KLF12: variants seen among roughly 807,000 people sequenced by gnomAD.
KLF12 encodes Krueppel-like factor 12.
A neutral mutation model predicts 37.8 loss-of-function variants in KLF12; 9 were observed. That is an observed-to-expected ratio of 0.24 (90% CI 0.14 to 0.42). KLF12 has a LOEUF of 0.42. Among genes scored for constraint, KLF12 ranks in the 10% least tolerant of loss-of-function variants. The pLI is 1.00. For missense variants in KLF12, 411 were observed against 516.0 expected (o/e 0.80, Z 1.97); for synonymous variants, 208 against 202.1 (o/e 1.03, Z -0.25).
chr13:73,969,265 T>C (rs1593792884), intron 2 of KLF12, among the ~76,000 whole-genome samples: 1 of 152,238 alleles, frequency 6.6e-6, no homozygotes, highest in East Asian at 1.9e-4. Flanking sequence ...CTGCCTGAAG[T>C]GAAGTGAACA....
chr13:74,028,181 C>T (rs1259404672), intron 1 of KLF12, among the ~76,000 whole-genome samples: 1 of 152,092 alleles, frequency 6.6e-6, no homozygotes, highest in Non-Finnish European at 1.5e-5. Flanking sequence ...GATAACATTC[C>T]TAGATTAATC....
chr13:74,162,891 A>C, the KLF12 span, among the ~76,000 whole-genome samples: 2 of 152,230 alleles, frequency 1.3e-5, no homozygotes, highest in Non-Finnish European at 2.9e-5. Context: ...AAAATAAATT[A>C]CATCAAAGAA....
intron 6 of KLF12, among the ~76,000 whole-genome samples, chr13:73,752,882 A>AT (rs1878880190): frequency 2.0e-5 from 3 of 151,026 alleles, no homozygotes; most frequent in Non-Finnish European, 2.9e-5. Flanking sequence ...ATCATTATGT[A>AT]TTTTTTTGTA....
Position 74,125,990 on chromosome 13 carries a change from C to T in KLF12, c.-32+7749G>A, listed in dbSNP as rs568190816. Among the ~76,000 whole-genome samples, 16 of 152,292 alleles carry T rather than the reference C, an allele frequency of 1.1e-4. 1 individual carries two copies. Among genetic ancestry groups the T allele is most frequent in the African/African-American group, 3.6e-4 (15 of 41,576 alleles). ...CTGGCTATTCACTATAATTTCATTACTTTACTTTGCTGAAAATCAATTTCC... is the reference window on the plus strand; with the variant it reads ...CTGGCTATTCACTATAATTTCATTATTTTACTTTGCTGAAAATCAATTTCC... On this transcript the variant is annotated intron_variant, in intron 1 of 7. Transcript: ENST00000377669.
intron 3 of KLF12, among the ~76,000 whole-genome samples, chr13:73,874,725 T>A (rs558466286): frequency 2.2e-4 from 33 of 152,262 alleles, no homozygotes; most frequent in African/African-American, 7.7e-4. Context: ...CCAATTCAAG[T>A]GACTGAAACT....
intron 1 of KLF12, among the ~76,000 whole-genome samples, chr13:74,051,349 C>CAA (rs1308262622): frequency 6.6e-6 from 1 of 150,758 alleles, no homozygotes; most frequent in Non-Finnish European, 1.5e-5. Context: ...CAAACACACA[C>CAA]ACACACACAC....
intron 3 of KLF12, among the ~76,000 whole-genome samples, chr13:73,914,005 T>A (rs1319084017): frequency 1.3e-5 from 2 of 152,204 alleles, no homozygotes; most frequent in Admixed American, 6.5e-5. Context: ...ATTAAACAAA[T>A]TTATTTTTAA....
intron 1 of KLF12, among the ~76,000 whole-genome samples, chr13:74,122,845 C>T (rs1303629894): frequency 1.3e-5 from 2 of 149,306 alleles, no homozygotes; most frequent in East Asian, 4.0e-4. Flanking sequence ...CGCTTAAGAA[C>T]ATGGATAAAA....
chr13:74,086,282 C>A (rs1425328683), intron 1 of KLF12, among the ~76,000 whole-genome samples: 3 of 127,334 alleles, frequency 2.4e-5, no homozygotes, highest in African/African-American at 8.8e-5. Flanking sequence ...CCCCACCCCA[C>A]AACAGTCCCC....
intron 2 of KLF12, among the ~76,000 whole-genome samples, chr13:73,956,231 G>A (rs1566481263): frequency 6.6e-6 from 1 of 152,222 alleles, no homozygotes; most frequent in Non-Finnish European, 1.5e-5. Context: ...GTATAATTTT[G>A]AATAACTGAA....
intron 3 of KLF12, among the ~76,000 whole-genome samples, chr13:73,932,862 G>C (rs1389803536): frequency 1.3e-5 from 2 of 152,080 alleles, no homozygotes; most frequent in Non-Finnish European, 2.9e-5. Flanking sequence ...CTTTTCACAA[G>C]ATCTATATTA....
At chr13:74,267,904 A>G in the KLF12 span, among the ~76,000 whole-genome samples, 2 of 152,134 alleles carry the variant, frequency 1.3e-5, no homozygotes, top group East Asian at 1.9e-4. Context: ...GAGAAGAGAG[A>G]CACAGAGAAG....
chr13:74,195,652 G>A, the KLF12 span, among the ~76,000 whole-genome samples: 6 of 152,150 alleles, frequency 3.9e-5, no homozygotes, highest in South Asian at 8.3e-4. Flanking sequence ...AGGCTGGAGT[G>A]CAGTGGTGTG....
chr13:73,847,901 T>A (rs1246013986), intron 3 of KLF12, among the ~76,000 whole-genome samples: 1 of 152,188 alleles, frequency 6.6e-6, no homozygotes, highest in East Asian at 1.9e-4. Context: ...ACTAGAACAG[T>A]ATTTCAATTT....
intron 6 of KLF12, among the ~76,000 whole-genome samples, chr13:73,725,713 A>C (rs1876609086): frequency 6.6e-6 from 1 of 151,992 alleles, no homozygotes; most frequent in Non-Finnish European, 1.5e-5. Flanking sequence ...CATGCTAATT[A>C]AAATAACATA....
intron 1 of KLF12, among the ~76,000 whole-genome samples, chr13:74,129,866 A>G (rs1878166473): frequency 6.6e-6 from 1 of 152,216 alleles, no homozygotes; most frequent in South Asian, 2.1e-4. Flanking sequence ...AATTACTGAC[A>G]ATATAGAGAG....
At chr13:73,816,607 A>C (rs571851727) in intron 4 of KLF12, among the ~76,000 whole-genome samples, 1 of 152,232 alleles carries the variant, frequency 6.6e-6, no homozygotes, top group African/African-American at 2.4e-5. Flanking sequence ...GATTGTTACT[A>C]TAACGATCCC....
intron 6 of KLF12, among the ~76,000 whole-genome samples, chr13:73,742,485 T>C (rs75982420): frequency 0.022 from 3,304 of 152,310 alleles, 137 homozygotes; most frequent in African/African-American, 0.076. Flanking sequence ...TAATGTTGGC[T>C]AGATACTACG....
At chr13:74,036,772 A>T (rs750985163) in intron 1 of KLF12, among the ~76,000 whole-genome samples, 2 of 152,246 alleles carry the variant, frequency 1.3e-5, no homozygotes, top group Admixed American at 1.3e-4. Flanking sequence ...GAAATGTGAA[A>T]GAATAAGACA....
Sources: gnomAD v4.1 joint callset for allele counts (sites outside exome capture counted in the v4.1 genomes callset) on GRCh38, gnomAD v4.1.1 for gene constraint, MANE v1.5 for transcripts, NCBI Gene and HGNC (gene_info 2026-07-23, HGNC 2026-07-21) for gene names.